The following RPAP1 variants were observed in gnomAD, a reference collection of about 807,000 sequenced individuals.
RPAP1 encodes RNA polymerase II associated protein 1, also known as RNA polymerase II-associated protein 1.
A neutral mutation model predicts 142.4 loss-of-function variants in RPAP1; 109 were observed. The ratio of observed to expected loss-of-function variants is 0.77; its 90% CI spans 0.66 to 0.90. The LOEUF (loss-of-function observed/expected upper bound fraction) is 0.90, where lower values mean the gene tolerates loss of function less well. Among genes scored for constraint, RPAP1 ranks in the 40% least tolerant of loss-of-function variants. RPAP1 has a pLI of 0.00. For synonymous variants in RPAP1, 704 were observed against 738.9 expected, an observed-to-expected ratio of 0.95 and a Z score of 0.77; for missense variants, 1,546 against 1,751.7, an observed-to-expected ratio of 0.88 and a Z score of 2.10.
At position 41,536,868 on chromosome 15, in the gene RPAP1, C is replaced by G. The variant is rs557826456; in HGVS notation, c.181+77G>C. 4.2e-5 allele frequency: 64 copies of G among 1,524,988 alleles called. No homozygotes were observed. In the African/African-American group the frequency reaches 8.7e-4, roughly 21 times the overall value. 94.5% of individuals were successfully genotyped at this position (1,524,988 alleles called of 1,614,324 possible). ...TGAAATAATAATGATGTGTCTGAAT[C>G]CAACCACAACAGGAAGAGGGAGGGG... is the stretch of plus-strand genomic sequence containing the variant. On this transcript the variant is annotated intron_variant, in intron 2 of 24. Coordinates refer to ENST00000304330, the MANE Select transcript of RPAP1 (RefSeq NM_015540.4).
rs2051813303 is a variant in RPAP1 at position 41,528,031 on chromosome 15, A to C, written c.1261-4T>G. ...CCCCAAACTCACCAGCCTGGGCCTGAGGGCAGGAGGGTAAAACCTTGCTGA... is the reference window on the plus strand; with the variant it reads ...CCCCAAACTCACCAGCCTGGGCCTGCGGGCAGGAGGGTAAAACCTTGCTGA... On this transcript the variant is annotated splice_polypyrimidine_tract_variant and splice_region_variant and intron_variant, in intron 10 of 24. Transcript: ENST00000304330. 6.2e-7 allele frequency: 1 copy of C among 1,613,356 alleles called. No homozygotes were observed. The highest frequency in any genetic ancestry group is 8.5e-7 in the Non-Finnish European group (1 of 1,179,754).
intron 7 of RPAP1, 38 bp downstream of exon 7, chr15:41,530,985 T>G (rs895252298): frequency 6.3e-7 from 1 of 1,581,666 alleles, no homozygotes; most frequent in Non-Finnish European, 8.6e-7. Context: ...TTTCCCCTAC[T>G]TTTATCCACC....
At chr15:41,535,473 T>G (rs1393991329) in intron 5 of RPAP1, 39 bp downstream of exon 5, 3 of 1,557,666 alleles carry the variant, frequency 1.9e-6, no homozygotes, top group African/African-American at 2.8e-5. Flanking sequence ...TTGTGTCTTT[T>G]AAAAAGGCCA....
In RPAP1 at chr15:41,524,212, C is replaced by T. The variant is rs754842367; in HGVS notation, c.2118G>A (p.Pro706=). The T allele has an allele frequency of 7.1e-6, 11 of 1,559,420 alleles. No homozygotes were observed. Among genetic ancestry groups the T allele is most frequent in the South Asian group, 3.6e-5 (3 of 83,248 alleles). Reference sequence around the variant, plus strand: ...GAGGTGGGTGGGTGCTGAGCTCCCGCGGCACCACCTGCAAGGCCCGCATCA... The same window carrying T: ...GAGGTGGGTGGGTGCTGAGCTCCCGTGGCACCACCTGCAAGGCCCGCATCA... ...PVLMRALQVV[P]RELSTHPPQP... is the part of the protein sequence containing the mutation. The change falls in exon 16 of 25, where the codon CCG becomes CCA. Residue 706 remains proline (P), a synonymous_variant. Coordinates refer to ENST00000304330, the MANE Select transcript of RPAP1 (RefSeq NM_015540.4).
At chr15:41,530,371 G>C (rs991072094) in intron 7 of RPAP1, among the ~76,000 whole-genome samples, 3 of 152,178 alleles carry the variant, frequency 2.0e-5, no homozygotes, top group African/African-American at 2.4e-5. Flanking sequence ...ACAATGAGGA[G>C]GAGGCAACTA....
In RPAP1 at chr15:41,532,110, C is replaced by T. The variant is rs1246985799; in HGVS notation, c.764-908G>A. On this transcript the variant is annotated intron_variant, in intron 6 of 24. Transcript: ENST00000304330. The stretch of plus-strand genomic sequence containing the variant: ...GATCTCGGCTCACTGCAAGGTCCGC[C>T]TCCCGGGTTCAAGTGATTTTCTTGC... Among the ~76,000 whole-genome samples the T allele has an allele frequency of 2.6e-4, 40 of 151,974 alleles. 1 individual carries two copies. Among genetic ancestry groups the T allele is most frequent in the Non-Finnish European group, 4.4e-5 (3 of 68,016 alleles).
In RPAP1 at chr15:41,518,108, G is replaced by T. The variant is rs757283935; in HGVS notation, c.3870C>A (p.Thr1290=). The T allele has an allele frequency of 1.9e-6, 3 of 1,606,158 alleles. No individual in the cohort carries two copies. The highest frequency in any genetic ancestry group is 1.1e-5 in the South Asian group (1 of 89,914). ...GTGGGCGGAGCGCACCAGTAACCAGGGTCCGGAAGTAGAGCTGAAGGAGGG... is the reference window on the plus strand; with the variant it reads ...GTGGGCGGAGCGCACCAGTAACCAGTGTCCGGAAGTAGAGCTGAAGGAGGG... ...NLALLQLYFR[T]LVTGALRPRW... is the part of the protein sequence containing the mutation. The change falls in exon 23 of 25, where the codon ACC becomes ACA. Residue 1290 remains threonine (T), a synonymous_variant. Transcript: ENST00000304330.
In RPAP1 at chr15:41,526,939, G is replaced by T; in HGVS notation, c.1876C>A (p.Arg626Ser). The change falls in exon 14 of 25, where the codon CGT (arginine) becomes AGT (serine). Residue 626 changes from arginine to serine, a missense_variant. Physicochemically the swap from Arg to Ser is moderately radical, Grantham distance 110 (BLOSUM62 -1). Coordinates refer to ENST00000304330, the MANE Select transcript of RPAP1 (RefSeq NM_015540.4). ...TTCCTCCCAGCTGAGGCCAGGACACGAAGTAGTTTCATGGCAGTAGCACAG... is the reference window on the plus strand; with the variant it reads ...TTCCTCCCAGCTGAGGCCAGGACACTAAGTAGTTTCATGGCAGTAGCACAG... ...VPCATAMKLL[R>S]VLASAGRNIA... The T allele has an allele frequency of 6.2e-7, 1 of 1,614,032 alleles. No homozygotes were observed. Among genetic ancestry groups the T allele is most frequent in the Non-Finnish European group, 8.5e-7 (1 of 1,179,918 alleles).
intron 7 of RPAP1, 69 bp downstream of exon 7, chr15:41,530,954 C>T: frequency 2.1e-6 from 3 of 1,450,994 alleles, no homozygotes; most frequent in Non-Finnish European, 1.9e-6. Context: ...TCTCATTTGC[C>T]AGGCCTAGGA....
Position 41,525,142 on chromosome 15 carries a change from T to C in RPAP1, c.1924A>G (p.Ser642Gly). The C allele has an allele frequency of 6.2e-7, 1 of 1,608,032 alleles. No homozygotes were observed. The highest frequency in any genetic ancestry group is 2.2e-5 in the East Asian group (1 of 44,782). ...CACAGGCGGCTCCGGAGATCAAAGC[T>C]GCTCAACTGGAAATGGGCACAGTCT... ...GRNIAARLLS[S>G]FDLRSRLCRI... The change falls in exon 15 of 25, where the codon AGC becomes GGC. Residue 642 changes from serine (S) to glycine (G), a missense_variant. By Grantham distance (56) the Ser-to-Gly change is moderately conservative. Transcript: ENST00000304330.
intron 1 of RPAP1, among the ~76,000 whole-genome samples, chr15:41,539,718 C>T (rs2051951998): frequency 6.6e-6 from 1 of 152,244 alleles, no homozygotes. Flanking sequence ...GCCTGAGCTA[C>T]TGCACCTGGC....
At position 41,519,106 on chromosome 15, in the gene RPAP1, G is replaced by C. The variant is rs1227807362; in HGVS notation, c.3796-924C>G. Reference sequence around the variant, plus strand: ...GGTGTCTAGCTTTCTTGCCCAAGCTGGTCAGAAACTCTTGGCCTCAAGCAA... The same window carrying C: ...GGTGTCTAGCTTTCTTGCCCAAGCTCGTCAGAAACTCTTGGCCTCAAGCAA... On this transcript the variant is annotated intron_variant, in intron 22 of 24. Transcript: ENST00000304330. Among the ~76,000 whole-genome samples the C allele has an allele frequency of 2.6e-5, 4 of 152,138 alleles. No individual in the cohort carries two copies. The East Asian group carries it at 7.7e-4, about 29-fold the overall frequency.
rs1158722858 is a variant in RPAP1, at chr15:41,520,403, C to T, written c.3783G>A (p.Leu1261=). Residue 1261 remains leucine (L), a synonymous_variant, in exon 22 of 25, where the codon CTG becomes CTA. Coordinates refer to ENST00000304330, the MANE Select transcript of RPAP1 (RefSeq NM_015540.4). ...GCTGAGAAAGTACCTGGGTCAGAGG[C>T]AGGCTCAGAGCTCGCAAGGCTCCCA... ...EHVGALRALS[L]PLTQLPVSLE... The T allele has an allele frequency of 6.2e-7, 1 of 1,613,494 alleles. No individual in the cohort carries two copies. Among genetic ancestry groups the T allele is most frequent in the African/African-American group, 1.3e-5 (1 of 74,922 alleles).
chr15:41,535,065 C>A, intron 5 of RPAP1, 130 bp from the exon 6 acceptor site: 2 of 815,262 alleles, frequency 2.5e-6, no homozygotes, highest in Non-Finnish European at 3.8e-6. Context: ...GAGTGGAGAC[C>A]CCACTGGGTC....
chr15:41,534,606 AAAG>A, intron 6 of RPAP1, 105 bp downstream of exon 6: 9 of 531,132 alleles, frequency 1.7e-5, no homozygotes, highest in South Asian at 7.0e-5. Flanking sequence ...AAAAAAAAAA[AAAG>A]CATTAAAGTA....
At chr15:41,538,481 CAA>C (rs1235627252) in intron 1 of RPAP1, among the ~76,000 whole-genome samples, 1 of 151,368 alleles carries the variant, frequency 6.6e-6, no homozygotes, top group African/African-American at 2.4e-5. Flanking sequence ...TCAACCTTGA[CAA>C]TGATAAGTGA....
chr15:41,519,750 C>T (rs915543293), intron 22 of RPAP1: 1 of 153,224 alleles, frequency 6.5e-6, no homozygotes, highest in African/African-American at 2.4e-5. Context: ...CCCACTTCTT[C>T]CACAAAGCCC....
intron 17 of RPAP1, among the ~76,000 whole-genome samples, 170 bp from the exon 18 acceptor site, chr15:41,523,524 A>T (rs1168055773): frequency 2.0e-5 from 3 of 152,210 alleles, no homozygotes; most frequent in African/African-American, 7.2e-5. Context: ...GGGGGCATAA[A>T]GAGGGAGCAC....
At chr15:41,530,909 G>A in intron 7 of RPAP1, 114 bp downstream of exon 7, 1 of 1,026,054 alleles carries the variant, frequency 9.7e-7, no homozygotes, top group Non-Finnish European at 1.4e-6. Flanking sequence ...GAGGATTAAT[G>A]TTAGATGTCC....
Sources: gnomAD v4.1 joint callset for allele counts (sites outside exome capture counted in the v4.1 genomes callset) on GRCh38, gnomAD v4.1.1 for gene constraint, MANE v1.5 for transcripts, NCBI Gene and HGNC (gene_info 2026-07-23, HGNC 2026-07-21) for gene names.